Variants in CNTNAP5 observed in about 807,000 individuals in gnomAD.
The protein encoded by CNTNAP5 is contactin-associated protein-like 5.
CNTNAP5 carries 72 observed loss-of-function variants against 150.2 expected under a neutral mutation model. The observed-to-expected ratio is 0.48, with a 90% CI of 0.40 to 0.58. CNTNAP5 has a LOEUF of 0.58. CNTNAP5 is among the 20% of genes least tolerant of loss of function. The pLI, the probability that CNTNAP5 is intolerant of heterozygous loss-of-function variation, is 0.00. For synonymous variants in CNTNAP5, 672 were observed against 619.8 expected, an observed-to-expected ratio of 1.08 and a Z score of -1.25; for missense variants, 1,636 against 1,626.2, an observed-to-expected ratio of 1.01 and a Z score of -0.10.
intron 2 of CNTNAP5, among the ~76,000 whole-genome samples, chr2:124,226,391 T>C (rs2104746651): frequency 6.6e-6 from 1 of 152,260 alleles, no homozygotes; most frequent in African/African-American, 2.4e-5. Context: ...TGTTGGCCAT[T>C]TGTATGCCTT....
At chr2:124,142,913 A>G (rs1254557305) in intron 1 of CNTNAP5, among the ~76,000 whole-genome samples, 2 of 147,614 alleles carry the variant, frequency 1.4e-5, no homozygotes, top group Non-Finnish European at 3.0e-5. Flanking sequence ...TAAAGCAAAA[A>G]AGAGAGAAGA....
chr2:124,809,792 G>A (rs1682165843), intron 19 of CNTNAP5, among the ~76,000 whole-genome samples: 1 of 152,162 alleles, frequency 6.6e-6, no homozygotes, highest in Non-Finnish European at 1.5e-5. Flanking sequence ...TACAGAAAGA[G>A]AGAATAAATG....
chr2:124,060,124 G>A (rs1324424517), intron 1 of CNTNAP5, among the ~76,000 whole-genome samples: 10 of 152,216 alleles, frequency 6.6e-5, no homozygotes, highest in Admixed American at 2.6e-4. Context: ...TGTTCAGGGT[G>A]GCCCCTTTAC....
At chr2:124,545,338 T>C (rs984415168) in intron 10 of CNTNAP5, among the ~76,000 whole-genome samples, 4 of 152,202 alleles carry the variant, frequency 2.6e-5, no homozygotes, top group African/African-American at 7.2e-5. Flanking sequence ...GTTCGTTTTC[T>C]AGGGTGGGTT....
chr2:124,336,329 T>G (rs1689466399), intron 3 of CNTNAP5, among the ~76,000 whole-genome samples: 1 of 152,108 alleles, frequency 6.6e-6, no homozygotes, highest in African/African-American at 2.4e-5. Flanking sequence ...ACACAAATTG[T>G]TATTCAGTAG....
intron 1 of CNTNAP5, among the ~76,000 whole-genome samples, chr2:124,070,241 T>C (rs1352666066): frequency 6.6e-6 from 1 of 151,278 alleles, no homozygotes; most frequent in Non-Finnish European, 1.5e-5. Flanking sequence ...CACTTTCATT[T>C]AAAGGAAGAT....
At chr2:124,670,518 A>C (rs1350639028) in intron 13 of CNTNAP5, among the ~76,000 whole-genome samples, 1 of 151,930 alleles carries the variant, frequency 6.6e-6, no homozygotes, top group East Asian at 1.9e-4. Context: ...CTATCTTTTC[A>C]CTTTATTGAC....
intron 4 of CNTNAP5, among the ~76,000 whole-genome samples, chr2:124,428,273 C>T (rs1692289088): frequency 6.6e-6 from 1 of 152,184 alleles, no homozygotes; most frequent in African/African-American, 2.4e-5. Flanking sequence ...TAACCCTCTG[C>T]CCCTCCCTGG....
chr2:124,284,313 G>T (rs1453292981), intron 3 of CNTNAP5, among the ~76,000 whole-genome samples: 1 of 152,160 alleles, frequency 6.6e-6, no homozygotes, highest in Non-Finnish European at 1.5e-5. Flanking sequence ...ACCATTTCTA[G>T]ATGGGTCAGG....
intron 3 of CNTNAP5, among the ~76,000 whole-genome samples, chr2:124,255,849 C>A (rs144358321): frequency 6.6e-6 from 1 of 152,048 alleles, no homozygotes; most frequent in African/African-American, 2.4e-5. Flanking sequence ...TCCAGATGCA[C>A]GTATGCAGCC....
At chr2:124,491,490 A>G (rs1694025246) in intron 7 of CNTNAP5, among the ~76,000 whole-genome samples, 1 of 151,548 alleles carries the variant, frequency 6.6e-6, no homozygotes, top group Non-Finnish European at 1.5e-5. Flanking sequence ...TTTCTTTATT[A>G]TCTGTTGAGG....
At chr2:124,253,417 A>G (rs1313270590) in intron 3 of CNTNAP5, among the ~76,000 whole-genome samples, 1 of 152,120 alleles carries the variant, frequency 6.6e-6, no homozygotes, top group Non-Finnish European at 1.5e-5. Context: ...AATTTTGGTT[A>G]TTCAAACTTT....
At chr2:124,032,660 AT>A (rs1681088159) in intron 1 of CNTNAP5, among the ~76,000 whole-genome samples, 1 of 152,306 alleles carries the variant, frequency 6.6e-6, no homozygotes, top group East Asian at 1.9e-4. Flanking sequence ...ACAGATTTGT[AT>A]TCTGCATAAT....
chr2:124,298,486 A>C (rs922524495), intron 3 of CNTNAP5, among the ~76,000 whole-genome samples: 1 of 152,196 alleles, frequency 6.6e-6, no homozygotes, highest in African/African-American at 2.4e-5. Context: ...TCATTCATCA[A>C]AAGTCATAAG....
chr2:124,433,998 G>A (rs1389221833), intron 4 of CNTNAP5, among the ~76,000 whole-genome samples: 2 of 152,168 alleles, frequency 1.3e-5, no homozygotes, highest in Non-Finnish European at 1.5e-5. Context: ...CCCAGTAGAA[G>A]CCTCAGAATC....
chr2:124,025,408 G>A lies in CNTNAP5; in HGVS notation c.-243G>A, dbSNP rs1014252846. On this transcript the variant is annotated 5_prime_UTR_variant, in exon 1 of 24. Transcript: ENST00000682447. Reference sequence around the variant, plus strand: ...GGGGGAAGAGAAGGAAGAGGCGGGCGAGGAAGGCGAGTCCAGCTAGCGGCT... The same window carrying A: ...GGGGGAAGAGAAGGAAGAGGCGGGCAAGGAAGGCGAGTCCAGCTAGCGGCT... The A allele has an allele frequency of 7.1e-6, 4 of 559,612 alleles. No individual in the cohort carries two copies. In the Admixed American group the frequency reaches 9.1e-5, roughly 13 times the overall value. The allele number at this position is 559,612 out of a possible 1,614,324, so 34.7% of individuals were successfully genotyped here.
At chr2:124,084,461 T>A (rs1216505865) in intron 1 of CNTNAP5, among the ~76,000 whole-genome samples, 1 of 151,972 alleles carries the variant, frequency 6.6e-6, no homozygotes, top group Non-Finnish European at 1.5e-5. Context: ...GACATGGGGT[T>A]TGTTTCATCA....
At chr2:124,775,771 C>T (rs1345665808) in intron 17 of CNTNAP5, among the ~76,000 whole-genome samples, 2 of 152,162 alleles carry the variant, frequency 1.3e-5, no homozygotes, top group Admixed American at 6.6e-5. Context: ...GAGCAGGAGA[C>T]TCTTCACAAC....
chr2:124,138,758 G>A (rs961765479), intron 1 of CNTNAP5, among the ~76,000 whole-genome samples: 12 of 151,980 alleles, frequency 7.9e-5, no homozygotes, highest in African/African-American at 2.2e-4. Flanking sequence ...TAGAATCTCC[G>A]AAATACGGCA....
Sources: gnomAD v4.1 joint callset for allele counts (sites outside exome capture counted in the v4.1 genomes callset) on GRCh38, gnomAD v4.1.1 for gene constraint, MANE v1.5 for transcripts, NCBI Gene and HGNC (gene_info 2026-07-23, HGNC 2026-07-21) for gene names.